The following ERAP2 variants were observed in gnomAD, a reference collection of about 807,000 sequenced individuals.
The protein encoded by ERAP2 is leukocyte-derived arginine aminopeptidase.
A neutral mutation model predicts 111.1 loss-of-function variants in ERAP2; 118 were observed. That is an observed-to-expected ratio of 1.06 (90% confidence interval 0.92 to 1.24). The LOEUF (loss-of-function observed/expected upper bound fraction) is 1.24, where lower values mean the gene tolerates loss of function less well. Ranked by LOEUF, ERAP2 falls within the 50% of genes most tolerant of loss-of-function variation. The pLI, the probability that ERAP2 is intolerant of heterozygous loss-of-function variation, is 0.00. For synonymous variants in ERAP2, 410 were observed against 401.2 expected (o/e 1.02, Z -0.26); for missense variants, 1,131 against 1,125.8 (o/e 1.00, Z -0.07).
intron 6 of ERAP2, among the ~76,000 whole-genome samples, chr5:96,893,530 C>T (rs1663661585): frequency 6.6e-6 from 1 of 152,174 alleles, no homozygotes; most frequent in African/African-American, 2.4e-5. Flanking sequence ...AGCTCTAAAG[C>T]ACTTAACTGA....
chr5:96,889,303 T>A lies in ERAP2; in HGVS notation c.968T>A (p.Leu323Gln), dbSNP rs778278840. 6.2e-7 allele frequency: 1 copy of A among 1,614,104 alleles called. No individual in the cohort carries two copies. Among genetic ancestry groups the A allele is most frequent in the Admixed American group, 1.7e-5 (1 of 60,026 alleles). Reference sequence around the variant, plus strand: ...GATATCTACTATCCACTCTCCAAACTGGGTATGTTCAAATTCCACATTATT... The same window carrying A: ...GATATCTACTATCCACTCTCCAAACAGGGTATGTTCAAATTCCACATTATT... ...YFDIYYPLSK[L>Q]DLIAIPDFAP... The change falls in exon 5 of 19, where the codon CTG becomes CAG. Residue 323 changes from leucine to glutamine, a missense_variant and splice_region_variant. Coordinates refer to ENST00000437043, the MANE Select transcript of ERAP2 (RefSeq NM_022350.5).
At chr5:96,880,596 G>A (rs1783022485) in intron 2 of ERAP2, among the ~76,000 whole-genome samples, 1 of 152,224 alleles carries the variant, frequency 6.6e-6, no homozygotes, top group Non-Finnish European at 1.5e-5. Context: ...GTCTTCATCT[G>A]GGACCAGAAG....
At chr5:96,882,329 T>C (rs973923616) in intron 2 of ERAP2, among the ~76,000 whole-genome samples, 1 of 152,196 alleles carries the variant, frequency 6.6e-6, no homozygotes, top group Non-Finnish European at 1.5e-5. Flanking sequence ...GGGGAGATAT[T>C]TGGAGTAAAG....
chr5:96,906,543 C>T (rs1786105324), intron 13 of ERAP2, among the ~76,000 whole-genome samples: 1 of 152,208 alleles, frequency 6.6e-6, no homozygotes, highest in Non-Finnish European at 1.5e-5. Flanking sequence ...GCTGGGATTA[C>T]AGGTGTGAGC....
chr5:96,891,413 A>G (rs181376624), intron 5 of ERAP2, among the ~76,000 whole-genome samples: 58 of 150,716 alleles, frequency 3.8e-4, no homozygotes, highest in African/African-American at 1.4e-3. Flanking sequence ...ACACATATAC[A>G]TATACACACA....
At chr5:96,886,595 A>C in intron 3 of ERAP2, 60 bp from the exon 4 acceptor site, 4 of 1,392,746 alleles carry the variant, frequency 2.9e-6, no homozygotes, top group Non-Finnish European at 3.9e-6. Context: ...CATAAGTCAT[A>C]GGCATGGTTA....
At position 96,901,627 on chromosome 5, in the gene ERAP2, G is replaced by T. The variant is rs759277242; in HGVS notation, c.1694G>T (p.Arg565Leu). The T allele has an allele frequency of 6.2e-7, 1 of 1,613,972 alleles. No homozygotes were observed. Among genetic ancestry groups the T allele is most frequent in the Non-Finnish European group, 8.5e-7 (1 of 1,179,970 alleles). Reference protein sequence around the residue: ...DGCSLRLQQERFLQGVFQEDP... With the variant: ...DGCSLRLQQELFLQGVFQEDP... ...TGTTCACTCCGACTGCAACAGGAGC[G>T]CTTCCTCCAGGGGGTTTTCCAGGAA... is the stretch of plus-strand genomic sequence containing the variant. The change falls in exon 11 of 19, where the codon CGC becomes CTC. Residue 565 changes from arginine to leucine, a missense_variant. Coordinates refer to ENST00000437043, the MANE Select transcript of ERAP2 (RefSeq NM_022350.5).
At chr5:96,910,045 C>T (rs1281718627) in intron 15 of ERAP2, 1 of 268,444 alleles carries the variant, frequency 3.7e-6, no homozygotes. Flanking sequence ...GAGGGTGAAT[C>T]ACTGAGGTCA....
At chr5:96,898,403 C>T (rs1380512286) in intron 9 of ERAP2, among the ~76,000 whole-genome samples, 1 of 151,794 alleles carries the variant, frequency 6.6e-6, no homozygotes, top group Non-Finnish European at 1.5e-5. Context: ...ACTTGCATTT[C>T]TTGAAAATCC....
chr5:96,909,980 T>G (rs1038259789), intron 15 of ERAP2: 4 of 456,700 alleles, frequency 8.8e-6, no homozygotes, highest in Non-Finnish European at 1.6e-5. Flanking sequence ...ATTATTCCGG[T>G]GCTGGCTGGA....
At chr5:96,899,200 G>C (rs1049281150) in intron 9 of ERAP2, among the ~76,000 whole-genome samples, 5 of 150,116 alleles carry the variant, frequency 3.3e-5, no homozygotes, top group African/African-American at 1.2e-4. Context: ...AAGTCACCAA[G>C]TCAGTGAGAA....
In ERAP2 at chr5:96,912,739, T is replaced by C; in HGVS notation, c.2457T>C (p.Ala819=). The part of the protein sequence containing the change: ...LEQYELSMSS[A]EQNKILYALS... ...AATATGAACTGTCAATGTCAAGTGCTGAACAAAACAAAATTCTGTATGCTT... is the reference window on the plus strand; with the variant it reads ...AATATGAACTGTCAATGTCAAGTGCCGAACAAAACAAAATTCTGTATGCTT... The change falls in exon 16 of 19, where the codon GCT becomes GCC. Residue 819 remains alanine, a synonymous_variant. Coordinates refer to ENST00000437043, the MANE Select transcript of ERAP2 (RefSeq NM_022350.5). 6.2e-7 allele frequency: 1 copy of C among 1,601,622 alleles called. No homozygotes were observed.
Position 96,887,225 on chromosome 5 carries a change from A to G in ERAP2, c.849+436A>G, listed in dbSNP as rs903118613. Among the ~76,000 whole-genome samples, 3 of 151,824 alleles carry G rather than the reference A, an allele frequency of 2.0e-5. 1 individual carries two copies. In the East Asian group the frequency reaches 5.8e-4, roughly 29 times the overall value. On this transcript the variant is annotated intron_variant, in intron 4 of 18. Coordinates refer to ENST00000437043, the MANE Select transcript of ERAP2 (RefSeq NM_022350.5). ...TTGAATGTCATTTAAAATTTTAAAT[A>G]ATATTAATAATTGCATGGAGGTTTA... is the stretch of plus-strand genomic sequence containing the variant.
chr5:96,889,168 T>C lies in ERAP2; in HGVS notation c.850-17T>C, dbSNP rs755316112. 6.2e-7 allele frequency: 1 copy of C among 1,613,506 alleles called. No individual in the cohort carries two copies. The highest frequency in any genetic ancestry group is 8.5e-7 in the Non-Finnish European group (1 of 1,179,456). Reference sequence around the variant, plus strand: ...GGAGCTGTCATTCAAAAACCTCTTCTGATCCACATTTCCCAGGTGTCCATC... The same window carrying C: ...GGAGCTGTCATTCAAAAACCTCTTCCGATCCACATTTCCCAGGTGTCCATC... On this transcript the variant is annotated splice_polypyrimidine_tract_variant and intron_variant, in intron 4 of 18. Coordinates refer to ENST00000437043, the MANE Select transcript of ERAP2 (RefSeq NM_022350.5).
Position 96,879,742 on chromosome 5 carries a change from C to T in ERAP2, c.57C>T (p.His19=), listed in dbSNP as rs754831824. The change falls in exon 2 of 19, where the codon CAC becomes CAT. Residue 19 remains histidine (H), a synonymous_variant. Coordinates refer to ENST00000437043, the MANE Select transcript of ERAP2 (RefSeq NM_022350.5). ...ACAGAAAACCAATGTTTAACATTCA[C>T]AGAGGATTTTACTGCTTAACAGCCA... is the stretch of plus-strand genomic sequence containing the variant. The part of the protein sequence containing the change: ...NSHRKPMFNI[H]RGFYCLTAIL... 6.2e-7 allele frequency: 1 copy of T among 1,614,184 alleles called. No individual in the cohort carries two copies. The highest frequency in any genetic ancestry group is 8.5e-7 in the Non-Finnish European group (1 of 1,180,008).
chr5:96,913,342 A>C lies in ERAP2; in HGVS notation c.2542A>C (p.Lys848Gln). Reference protein sequence around the residue: ...LKLIELGMEGKVIKTQNLAAL... With the variant: ...LKLIELGMEGQVIKTQNLAAL... ...GTTAATTGAACTAGGAATGGAAGGA[A>C]AGGTTATCAAGACACAGAACTTGGC... The change falls in exon 17 of 19, where the codon AAG becomes CAG. Residue 848 changes from lysine to glutamine, a missense_variant. Lys to Gln is a moderately conservative substitution (Grantham distance 53, BLOSUM62 1). This residue lies in a region of ERAP2 where 279 missense variants were observed against 250.9 expected (regional missense o/e 1.11). Coordinates refer to ENST00000437043, the MANE Select transcript of ERAP2 (RefSeq NM_022350.5). The C allele has an allele frequency of 6.2e-7, 1 of 1,614,050 alleles. No homozygotes were observed. Among genetic ancestry groups the C allele is most frequent in the Middle Eastern group, 1.6e-4 (1 of 6,062 alleles).
rs200902547 is a variant in ERAP2, at chr5:96,903,601, T to C, written c.2012+41T>C. ...CTCTGACTTCATGCAAAATAACTGATTCGTAACCAGATATGCTAGACTTCA... is the reference window on the plus strand; with the variant it reads ...CTCTGACTTCATGCAAAATAACTGACTCGTAACCAGATATGCTAGACTTCA... On this transcript the variant is annotated intron_variant, in intron 13 of 18. Transcript: ENST00000437043. The C allele has an allele frequency of 5.9e-6, 9 of 1,529,204 alleles. No homozygotes were observed. The East Asian group carries it at 1.6e-4, about 27-fold the overall frequency. 94.7% of individuals were successfully genotyped at this position (1,529,204 alleles called of 1,614,324 possible).
intron 6 of ERAP2, 64 bp downstream of exon 6, chr5:96,892,517 A>T: frequency 6.4e-7 from 1 of 1,572,650 alleles, no homozygotes. Flanking sequence ...GAACACGACC[A>T]ATCTTCCTGA....
chr5:96,899,617 C>T (rs997545664), intron 9 of ERAP2, among the ~76,000 whole-genome samples: 4 of 152,168 alleles, frequency 2.6e-5, no homozygotes, highest in East Asian at 3.9e-4. Flanking sequence ...CCAGTTAGTT[C>T]GAAATATTGT....
Sources: allele counts gnomAD v4.1 joint callset (sites outside exome capture counted in the v4.1 genomes callset), GRCh38; gene constraint gnomAD v4.1.1; regional missense constraint gnomAD v4.1.1; transcripts MANE v1.5; gene names NCBI Gene and HGNC (gene_info 2026-07-23, HGNC 2026-07-21).